The following MAPK4 variants were observed in gnomAD, a reference collection of about 807,000 sequenced individuals.
MAPK4 encodes the protein Erk3-related.
MAPK4 carries 22 observed loss-of-function variants against 47.7 expected under a neutral mutation model. The ratio of observed to expected loss-of-function variants is 0.46; its 90% CI spans 0.33 to 0.66. The LOEUF (loss-of-function observed/expected upper bound fraction) is 0.66. MAPK4 is among the 30% of genes least tolerant of loss of function. The pLI is 0.02. For missense variants in MAPK4, 736 were observed against 831.7 expected (o/e 0.88, Z 1.42); for synonymous variants, 390 against 365.7 (o/e 1.07, Z -0.76).
rs942255661 is a variant in MAPK4 at position 50,568,586 on chromosome 18, T to C, written c.-871+8343T>C. On this transcript the variant is annotated intron_variant, in intron 1 of 5. Coordinates refer to ENST00000400384, the MANE Select transcript of MAPK4 (RefSeq NM_002747.4). Reference sequence around the variant, plus strand: ...GCTAACATGGCCTGCCTCAGTTATGTACTTGGTCTTGGAGGGAGTTAGGGT... The same window carrying C: ...GCTAACATGGCCTGCCTCAGTTATGCACTTGGTCTTGGAGGGAGTTAGGGT... Among the ~76,000 whole-genome samples, 5 of 152,358 alleles carry C rather than the reference T, an allele frequency of 3.3e-5. No homozygotes were observed. In the East Asian group the frequency reaches 9.6e-4, roughly 29 times the overall value.
intron 1 of MAPK4, among the ~76,000 whole-genome samples, chr18:50,596,935 A>G (rs990802481): frequency 2.0e-5 from 3 of 152,228 alleles, no homozygotes; most frequent in East Asian, 1.9e-4. Flanking sequence ...AGCATGTTCA[A>G]TGTCAGGTGT....
At chr18:50,603,324 A>T (rs772742228) in intron 1 of MAPK4, among the ~76,000 whole-genome samples, 2 of 152,188 alleles carry the variant, frequency 1.3e-5, no homozygotes, top group Non-Finnish European at 2.9e-5. Context: ...AAGTGGCTGC[A>T]TTAGGGACCT....
intron 1 of MAPK4, among the ~76,000 whole-genome samples, chr18:50,662,124 T>C (rs777006050): frequency 4.9e-4 from 75 of 152,258 alleles, no homozygotes; most frequent in Non-Finnish European, 7.8e-4. Context: ...AGTGTCTCTA[T>C]AGGAGGCCCT....
In MAPK4 at chr18:50,664,144, G is replaced by A. The variant is rs56328353; in HGVS notation, c.186G>A (p.Ala62=). 532 of 1,614,120 alleles carry A rather than the reference G, an allele frequency of 3.3e-4. 2 individuals carry two copies. The East Asian group carries it at 9.4e-3, about 29-fold the overall frequency. ...ALSDARSMKH[A]LREIKIIRRL... is the part of the protein sequence containing the mutation. ...GCGATGCCCGCAGCATGAAGCACGC[G>A]CTCCGAGAGATCAAGATCATTCGGC... Residue 62 remains alanine, a synonymous_variant, in exon 2 of 6, where the codon GCG becomes GCA. Coordinates refer to ENST00000400384, the MANE Select transcript of MAPK4 (RefSeq NM_002747.4). The surrounding 1 kb of genome is among the most constrained non-coding windows in gnomAD (Gnocchi z 6.0).
intron 2 of MAPK4, among the ~76,000 whole-genome samples, chr18:50,700,698 T>G (rs1037617978): frequency 2.0e-5 from 3 of 152,216 alleles, no homozygotes; most frequent in African/African-American, 4.8e-5. Flanking sequence ...GACATTTGCA[T>G]TCTCTTTGCT....
At chr18:50,725,940 T>G in intron 4 of MAPK4, 22 bp from the exon 5 acceptor site, 1 of 1,605,168 alleles carries the variant, frequency 6.2e-7, no homozygotes, top group Non-Finnish European at 8.5e-7. Flanking sequence ...ATGACCTTCA[T>G]GTCCGGCTTT....
intron 1 of MAPK4, among the ~76,000 whole-genome samples, chr18:50,565,343 G>A (rs190251901): frequency 6.6e-6 from 1 of 152,348 alleles, no homozygotes; most frequent in East Asian, 1.9e-4. Context: ...TGTTCCACTA[G>A]TGGGTAGTAG....
intron 2 of MAPK4, among the ~76,000 whole-genome samples, chr18:50,699,657 C>T (rs771246557): frequency 1.3e-5 from 2 of 152,126 alleles, no homozygotes; most frequent in Non-Finnish European, 2.9e-5. Flanking sequence ...AAGAGCAGTC[C>T]CACACAAGGG....
chr18:50,724,085 C>T (rs757599459), intron 4 of MAPK4, among the ~76,000 whole-genome samples: 27 of 152,078 alleles, frequency 1.8e-4, no homozygotes, highest in Non-Finnish European at 3.4e-4. Flanking sequence ...AATCATGGCT[C>T]ACTATAACCT....
chr18:50,715,320 T>C lies in MAPK4; in HGVS notation c.691+97T>C, dbSNP rs535020075. The C allele has an allele frequency of 1.7e-5, 24 of 1,390,764 alleles. No homozygotes were observed. The South Asian group carries it at 3.4e-4, about 20-fold the overall frequency. 86.2% of individuals were successfully genotyped at this position (1,390,764 alleles called of 1,614,324 possible). ...CACTTACAATCACAAAACATGCTCATCTTTTGCTGAAATTACTTCTGTGGC... is the reference window on the plus strand; with the variant it reads ...CACTTACAATCACAAAACATGCTCACCTTTTGCTGAAATTACTTCTGTGGC... On this transcript the variant is annotated intron_variant, in intron 3 of 5. Coordinates refer to ENST00000400384, the MANE Select transcript of MAPK4 (RefSeq NM_002747.4).
At chr18:50,570,866 C>G (rs973218309) in intron 1 of MAPK4, among the ~76,000 whole-genome samples, 2 of 152,180 alleles carry the variant, frequency 1.3e-5, no homozygotes, top group African/African-American at 4.8e-5. Flanking sequence ...ACAAAGGGAG[C>G]CTGAGTGGTG....
At chr18:50,617,536 C>G (rs1417167576) in intron 1 of MAPK4, among the ~76,000 whole-genome samples, 2 of 152,172 alleles carry the variant, frequency 1.3e-5, no homozygotes, top group East Asian at 1.9e-4. Flanking sequence ...AAATTCCAGT[C>G]TGTTCCACCC....
At chr18:50,721,171 C>T (rs1042835616) in intron 3 of MAPK4, among the ~76,000 whole-genome samples, 4 of 152,156 alleles carry the variant, frequency 2.6e-5, no homozygotes, top group Admixed American at 6.5e-5. Flanking sequence ...AAATGCCATA[C>T]GGTGGCCAGT....
chr18:50,730,638 A>G lies in MAPK4; in HGVS notation c.*784A>G, dbSNP rs1299256093. 2 of 152,546 alleles carry G rather than the reference A, an allele frequency of 1.3e-5. No homozygotes were observed. Among genetic ancestry groups the G allele is most frequent in the Non-Finnish European group, 2.9e-5 (2 of 68,062 alleles). 9.4% of individuals were successfully genotyped at this position (152,546 alleles called of 1,614,324 possible). ...CAGCCTGGGGTCTGTGGGTAAAATC[A>G]GCCCTTCTCCCAGGCCTGTGCACAC... On this transcript the variant is annotated 3_prime_UTR_variant, in exon 6 of 6. Coordinates refer to ENST00000400384, the MANE Select transcript of MAPK4 (RefSeq NM_002747.4).
At chr18:50,594,682 G>T (rs370696019) in intron 1 of MAPK4, among the ~76,000 whole-genome samples, 4 of 152,260 alleles carry the variant, frequency 2.6e-5, no homozygotes, top group African/African-American at 9.6e-5. Flanking sequence ...TTTTTGATTA[G>T]AGATTAGGGT....
In MAPK4 at chr18:50,601,912, C is replaced by T. The variant is rs115486636; in HGVS notation, c.-871+41669C>T. ...TGAGAATAGCTTTCTTTTCTCATCT[C>T]TAGTGGACACTTCATGCTTGTGTTC... On this transcript the variant is annotated intron_variant, in intron 1 of 5. Coordinates refer to ENST00000400384, the MANE Select transcript of MAPK4 (RefSeq NM_002747.4). Among the ~76,000 whole-genome samples, 605 of 152,228 alleles carry T rather than the reference C, an allele frequency of 4.0e-3. 7 individuals are homozygous for T. Among genetic ancestry groups the T allele is most frequent in the African/African-American group, 0.014 (580 of 41,538 alleles).
chr18:50,717,731 CA>C (rs1910715447), intron 3 of MAPK4, among the ~76,000 whole-genome samples: 1 of 152,186 alleles, frequency 6.6e-6, no homozygotes, highest in African/African-American at 2.4e-5. Flanking sequence ...CCTGTGGCCC[CA>C]CGGGGAGCCG....
intron 2 of MAPK4, among the ~76,000 whole-genome samples, chr18:50,673,556 G>A (rs746050799): frequency 2.6e-4 from 40 of 151,984 alleles, no homozygotes; most frequent in Admixed American, 4.6e-4. Context: ...ATTTTCCCTG[G>A]GTGTAAAATG....
At chr18:50,651,203 T>C (rs973466766) in intron 1 of MAPK4, among the ~76,000 whole-genome samples, 2 of 152,228 alleles carry the variant, frequency 1.3e-5, no homozygotes, top group African/African-American at 4.8e-5. Flanking sequence ...GAGCTTACAG[T>C]GGATTCCCCA....
Sources: allele counts gnomAD v4.1 joint callset (sites outside exome capture counted in the v4.1 genomes callset), GRCh38; gene constraint gnomAD v4.1.1; non-coding constraint Gnocchi (gnomAD v3.1); transcripts MANE v1.5; gene names NCBI Gene and HGNC (gene_info 2026-07-23, HGNC 2026-07-21).